STRADA: variants seen among roughly 807,000 people sequenced by gnomAD.
The protein encoded by STRADA is STE20-related kinase adapter protein alpha.
Under a neutral mutation model 55.0 loss-of-function variants are expected in STRADA, and 26 were observed. The observed-to-expected ratio is 0.47, with a 90% CI of 0.35 to 0.66. STRADA has a LOEUF of 0.66. STRADA is among the 30% of genes least tolerant of loss of function. STRADA has a pLI of 0.01. For missense variants in STRADA, 443 were observed against 549.7 expected, an observed-to-expected ratio of 0.81 and a Z score of 1.94; for synonymous variants, 197 against 210.9, an observed-to-expected ratio of 0.93 and a Z score of 0.57.
chr17:63,717,848 A>G (rs2037004698), intron 4 of STRADA, among the ~76,000 whole-genome samples: 2 of 152,228 alleles, frequency 1.3e-5, no homozygotes, highest in African/African-American at 4.8e-5. Flanking sequence ...CTGGACCTCA[A>G]GTGATCCTCC....
intron 1 of STRADA, among the ~76,000 whole-genome samples, chr17:63,739,968 A>G (rs2038769424): frequency 6.8e-6 from 1 of 147,478 alleles, no homozygotes; most frequent in Non-Finnish European, 1.5e-5. Context: ...CCCGCCAGGC[A>G]GGTACCTGTT....
In STRADA at chr17:63,710,750, A is replaced by C; in HGVS notation, c.435T>G (p.Val145=). 6.2e-7 allele frequency: 1 copy of C among 1,614,226 alleles called. No individual in the cohort carries two copies. The highest frequency in any genetic ancestry group is 1.6e-4 in the Middle Eastern group (1 of 6,062). The stretch of plus-strand genomic sequence containing the variant: ...CACCGTATGCCATGAATGATGTGAC[A>C]ACCCACAGCTCATTGTCTGCAATAA... ...ATFIADNELW[V]VTSFMAYGSA... is the part of the protein sequence containing the mutation. Residue 145 remains valine, a synonymous_variant, in exon 7 of 13, where the codon GTT becomes GTG. Transcript: ENST00000336174.
chr17:63,740,241 T>C (rs1433446101), intron 1 of STRADA, among the ~76,000 whole-genome samples: 1 of 149,298 alleles, frequency 6.7e-6, no homozygotes. Context: ...CCGGGCGCGG[T>C]GGCTCACGCC....
rs2038830098 is a variant in STRADA, at chr17:63,740,155, C to CACAA, written c.-45+1585_-45+1586insTTGT. 1.8e-5 allele frequency among the ~76,000 whole-genome samples: 2 copies of CACAA among 111,410 alleles called. 1 individual carries two copies. The highest frequency in any genetic ancestry group is 4.7e-4 in the East Asian group (2 of 4,266). The allele number at this position is 111,410 out of a possible 152,430, so 73.1% of individuals were successfully genotyped here. ...ACATACATATATATATATACACACA[C>CACAA]ACACACACACACACACACACACACA... On this transcript the variant is annotated intron_variant, in intron 1 of 12. Coordinates refer to ENST00000336174, the MANE Select transcript of STRADA (RefSeq NM_001003787.4).
chr17:63,714,438 A>G (rs1006278449), intron 4 of STRADA: 1 of 331,458 alleles, frequency 3.0e-6, no homozygotes. Context: ...CTAGAGAATG[A>G]AAGCATGTTT....
chr17:63,719,117 AAAG>A (rs1479892513), intron 4 of STRADA: 1 of 152,238 alleles, frequency 6.6e-6, no homozygotes, highest in Admixed American at 6.5e-5. Context: ...CCCACGGGCT[AAAG>A]AAGAGAATAG....
At chr17:63,737,940 T>C (rs1598281627) in intron 1 of STRADA, among the ~76,000 whole-genome samples, 1 of 151,598 alleles carries the variant, frequency 6.6e-6, no homozygotes, top group African/African-American at 2.4e-5. Flanking sequence ...TGAGCTGAGA[T>C]TGAGCCACTG....
rs762253647 is a variant in STRADA, at chr17:63,707,317, C to T, written c.683G>A (p.Arg228Gln). The T allele has an allele frequency of 1.5e-5, 25 of 1,614,050 alleles. No homozygotes were observed. The highest frequency in any genetic ancestry group is 5.3e-5 in the African/African-American group (4 of 74,916). The part of the protein sequence containing the change: ...LSMISHGQRQ[R>Q]VVHDFPKYSV... ...GTACTTGGGAAAATCGTGGACCACTCGCTGCCGCTGCCCATGGCTTATCAT... is the reference window on the plus strand; with the variant it reads ...GTACTTGGGAAAATCGTGGACCACTTGCTGCCGCTGCCCATGGCTTATCAT... Residue 228 changes from arginine (R) to glutamine (Q), a missense_variant, in exon 9 of 13, where the codon CGA becomes CAA. Arg to Gln is a conservative substitution (Grantham distance 43, BLOSUM62 1). Transcript: ENST00000336174.
intron 1 of STRADA, among the ~76,000 whole-genome samples, chr17:63,729,148 T>G (rs373856660): frequency 3.3e-5 from 5 of 152,262 alleles, no homozygotes; most frequent in South Asian, 4.2e-4. Flanking sequence ...CCTCCCAAAG[T>G]GTGGGGGTTA....
chr17:63,704,486 C>T lies in STRADA; in HGVS notation c.955G>A (p.Ala319Thr). ...ELTMSPSRSV[A>T]NSGLSDSLTT... ...AGGCTGTCACTCAGGCCAGAGTTGG[C>T]CACTGAGCGCGAAGGGCTCATGGTC... The change falls in exon 11 of 13, where the codon GCC becomes ACC. Residue 319 changes from alanine to threonine, a missense_variant. Transcript: ENST00000336174. The T allele has an allele frequency of 6.2e-7, 1 of 1,612,766 alleles. No homozygotes were observed. The highest frequency in any genetic ancestry group is 8.5e-7 in the Non-Finnish European group (1 of 1,179,612).
chr17:63,706,474 AGAGT>A (rs2036098217), intron 10 of STRADA, 157 bp downstream of exon 10: 1 of 619,746 alleles, frequency 1.6e-6, no homozygotes, highest in South Asian at 2.5e-5. Flanking sequence ...AAGTAAACAA[AGAGT>A]GAGGTCACTA....
chr17:63,723,709 ATGGT>A (rs141332585), intron 3 of STRADA: 53 of 166,526 alleles, frequency 3.2e-4, no homozygotes, highest in Non-Finnish European at 5.3e-4. Flanking sequence ...AGTTACAGAG[ATGGT>A]TGGCCATTTC....
In STRADA at chr17:63,703,690, T is replaced by C. The variant is rs991274034; in HGVS notation, c.1205A>G (p.Asn402Ser). The C allele has an allele frequency of 7.4e-6, 12 of 1,613,950 alleles. No homozygotes were observed. The highest frequency in any genetic ancestry group is 2.7e-5 in the African/African-American group (2 of 74,874). Residue 402 changes from asparagine (N) to serine (S), a missense_variant, in exon 13 of 13, where the codon AAT (asparagine) becomes AGT (serine). By Grantham distance (46) the Asn-to-Ser change is conservative (BLOSUM62 1). Coordinates refer to ENST00000336174, the MANE Select transcript of STRADA (RefSeq NM_001003787.4). ...GTCCTGAGACTGGCTGCCCTCAAAA[T>C]TGGTGATGGGGGTGACAGGACGAAG... ...ELLRPVTPIT[N>S]FEGSQSQDHS...
At chr17:63,739,189 GAGAT>G (rs915682849) in intron 1 of STRADA, among the ~76,000 whole-genome samples, 1 of 149,104 alleles carries the variant, frequency 6.7e-6, no homozygotes, top group Non-Finnish European at 1.5e-5. Context: ...GGGATGGAGA[GAGAT>G]AGAGATGAGA....
At chr17:63,741,667 G>A (rs2038959743) in intron 1 of STRADA, 74 bp downstream of exon 1, 1 of 152,370 alleles carries the variant, frequency 6.6e-6, no homozygotes, top group East Asian at 1.9e-4. Context: ...CCCGGGCCTG[G>A]GGAGATGGAA....
intron 8 of STRADA, 64 bp downstream of exon 8, chr17:63,710,427 T>C: frequency 6.3e-7 from 1 of 1,595,428 alleles, no homozygotes; most frequent in Non-Finnish European, 8.5e-7. Context: ...AACTTCACTT[T>C]ACCTGAAGGC....
At chr17:63,712,370 C>G (rs1459503480) in intron 6 of STRADA, 1 of 152,180 alleles carries the variant, frequency 6.6e-6, no homozygotes, top group Non-Finnish European at 1.5e-5. Flanking sequence ...ACCATGCCTG[C>G]CCCCTCTCTC....
intron 2 of STRADA, 193 bp downstream of exon 2, chr17:63,728,141 T>A (rs2037778232): frequency 1.9e-6 from 1 of 526,462 alleles, no homozygotes; most frequent in Admixed American, 3.6e-5. Context: ...GTGGTAAATT[T>A]TGTGTCTCTG....
intron 1 of STRADA, among the ~76,000 whole-genome samples, chr17:63,738,923 G>A (rs1308968776): frequency 2.0e-5 from 3 of 151,658 alleles, no homozygotes; most frequent in Non-Finnish European, 4.4e-5. Context: ...AGGCAGAGGC[G>A]GGCAGATCAC....
Sources: allele counts gnomAD v4.1 joint callset (sites outside exome capture counted in the v4.1 genomes callset), GRCh38; gene constraint gnomAD v4.1.1; transcripts MANE v1.5; gene names NCBI Gene and HGNC (gene_info 2026-07-23, HGNC 2026-07-21).